The following MME variants were observed in gnomAD, a reference collection of about 807,000 sequenced individuals.
MME encodes neprilysin.
MME carries 98 observed loss-of-function variants against 113.2 expected under a neutral mutation model. That is an observed-to-expected ratio of 0.87 (90% CI 0.74 to 1.02). The LOEUF is 1.02. Among genes scored for constraint, MME ranks in the 50% least tolerant of loss-of-function variants. The pLI is 0.00. For synonymous variants in MME, 292 were observed against 300.6 expected, an observed-to-expected ratio of 0.97 and a Z score of 0.30; for missense variants, 836 against 896.0, an observed-to-expected ratio of 0.93 and a Z score of 0.86.
chr3:155,156,630 G>T (rs1486125829), intron 16 of MME, among the ~76,000 whole-genome samples: 1 of 152,110 alleles, frequency 6.6e-6, no homozygotes, highest in African/African-American at 2.4e-5. Context: ...ATGAATAAAA[G>T]TATACAGAAA....
At chr3:155,034,769 T>C (rs1713077402) in intron 1 of MME, among the ~76,000 whole-genome samples, 1 of 152,224 alleles carries the variant, frequency 6.6e-6, no homozygotes, top group African/African-American at 2.4e-5. Flanking sequence ...TAAAGAACTT[T>C]AACATTTTAC....
intron 3 of MME, among the ~76,000 whole-genome samples, chr3:155,091,241 C>T (rs897195554): frequency 6.6e-6 from 1 of 152,144 alleles, no homozygotes; most frequent in Non-Finnish European, 1.5e-5. Flanking sequence ...AGGGATATTA[C>T]CTTACATTTA....
chr3:155,053,989 T>C (rs192187490), intron 1 of MME, among the ~76,000 whole-genome samples: 7 of 152,290 alleles, frequency 4.6e-5, no homozygotes, highest in Admixed American at 3.9e-4. Context: ...AAAATGTTTA[T>C]CCTATGCGTG....
chr3:155,132,897 C>A lies in MME; in HGVS notation c.721-5205C>A, dbSNP rs188180111. ...AGTGAAACCCCGTCTCTACTAAATA[C>A]AAAAAATTAGCCGGGCATGGTGGCA... On this transcript the variant is annotated intron_variant, in intron 8 of 22. Coordinates refer to ENST00000360490, the MANE Select transcript of MME (RefSeq NM_007289.4). Among the ~76,000 whole-genome samples, 1,065 of 150,962 alleles carry A rather than the reference C, an allele frequency of 7.1e-3. 15 individuals carry two copies. Among genetic ancestry groups the A allele is most frequent in the African/African-American group, 0.025 (1,023 of 41,096 alleles).
At position 155,141,407 on chromosome 3, in the gene MME, G is replaced by A. The variant is rs530867910; in HGVS notation, c.958-584G>A. Among the ~76,000 whole-genome samples, 193 of 152,220 alleles carry A rather than the reference G, an allele frequency of 1.3e-3. 2 individuals are homozygous for A. Among genetic ancestry groups the A allele is most frequent in the African/African-American group, 4.2e-3 (173 of 41,578 alleles). On this transcript the variant is annotated intron_variant, in intron 10 of 22. Coordinates refer to ENST00000360490, the MANE Select transcript of MME (RefSeq NM_007289.4). ...AACATTATCAATTCCCATTTAGAAA[G>A]ACAAGATTTCATCTTTTGGCAACTC...
chr3:155,168,834 T>G, intron 20 of MME, 37 bp downstream of exon 20: 1 of 1,534,700 alleles, frequency 6.5e-7, no homozygotes, highest in Non-Finnish European at 9.0e-7. Flanking sequence ...TTTAGTGATT[T>G]AGAGTGTTTC....
chr3:155,148,707 T>C (rs1576645361), intron 16 of MME, 54 bp downstream of exon 16: 2 of 1,329,674 alleles, frequency 1.5e-6, no homozygotes, highest in East Asian at 2.3e-5. Flanking sequence ...CTTTCCCTCC[T>C]TTCTTTGTTG....
chr3:155,072,130 C>T (rs1017073239), intron 1 of MME, among the ~76,000 whole-genome samples: 2 of 139,620 alleles, frequency 1.4e-5, no homozygotes, highest in African/African-American at 5.3e-5. Flanking sequence ...CACTGCAGTC[C>T]GCAGTCCGGC....
rs576443367 is a variant in MME at position 155,067,300 on chromosome 3, C to CTTT, written c.-10-16834_-10-16832dup. On this transcript the variant is annotated intron_variant, in intron 1 of 22. Coordinates refer to the MME transcript ENST00000492661. Reference sequence around the variant, plus strand: ...GATTTAGCTTTTGCAATTTATTTTCCTTTTTTTTTTTTTTTTTTTTTTTTT... The same window carrying CTTT: ...GATTTAGCTTTTGCAATTTATTTTCCTTTTTTTTTTTTTTTTTTTTTTTTTTTT... Among the ~76,000 whole-genome samples the CTTT allele has an allele frequency of 1.5e-3, 135 of 92,072 alleles. 18 individuals carry two copies. The highest frequency in any genetic ancestry group is 2.5e-3 in the Non-Finnish European group (112 of 45,278). The allele number at this position is 92,072 out of a possible 152,430, so 60.4% of individuals were successfully genotyped here.
intron 1 of MME, chr3:155,081,305 GT>G (rs1423555926): frequency 5.3e-5 from 8 of 152,196 alleles, no homozygotes; most frequent in African/African-American, 1.7e-4. Flanking sequence ...AGTTATCCAG[GT>G]TTCCTGCTTT....
chr3:155,168,709 T>G (rs370595906), intron 19 of MME, 23 bp from the exon 20 acceptor site: 2 of 1,611,912 alleles, frequency 1.2e-6, no homozygotes, highest in African/African-American at 2.7e-5. Flanking sequence ...TTAACAATCC[T>G]AATAAAGTGT....
At position 155,084,279 on chromosome 3, in the gene MME, C is replaced by G. The variant is rs142671126; in HGVS notation, c.112C>G (p.Leu38Val). ...EISLSVLVLL[L>V]TIIAVTMIAL... ...CAGCCTCTCGGTCCTTGTCCTGCTCCTCACCATCATAGCTGTGACAATGAT... is the reference window on the plus strand; with the variant it reads ...CAGCCTCTCGGTCCTTGTCCTGCTCGTCACCATCATAGCTGTGACAATGAT... The change falls in exon 2 of 23, where the codon CTC becomes GTC. Residue 38 changes from leucine (L) to valine (V), a missense_variant. Coordinates refer to ENST00000360490, the MANE Select transcript of MME (RefSeq NM_007289.4). 13 of 1,614,054 alleles carry G rather than the reference C, an allele frequency of 8.1e-6. No homozygotes were observed. Among genetic ancestry groups the G allele is most frequent in the African/African-American group, 1.3e-5 (1 of 74,922 alleles).
intron 22 of MME, among the ~76,000 whole-genome samples, chr3:155,173,018 A>G (rs1293607880): frequency 6.6e-6 from 1 of 152,122 alleles, no homozygotes; most frequent in Non-Finnish European, 1.5e-5. Flanking sequence ...TACTAATTAG[A>G]GGTTCTTCAA....
intron 3 of MME, among the ~76,000 whole-genome samples, chr3:155,101,506 A>AT (rs1455430836): frequency 1.3e-5 from 2 of 151,956 alleles, no homozygotes; most frequent in Non-Finnish European, 2.9e-5. Flanking sequence ...TCTGCCTCTG[A>AT]CCCCAGCTCT....
intron 10 of MME, among the ~76,000 whole-genome samples, 187 bp from the exon 11 acceptor site, chr3:155,141,804 T>A (rs1721110932): frequency 6.6e-6 from 1 of 152,182 alleles, no homozygotes; most frequent in African/African-American, 2.4e-5. Flanking sequence ...TCTTAAATGG[T>A]TGGCTTAATT....
At chr3:155,096,956 A>C (rs1716793324) in intron 3 of MME, among the ~76,000 whole-genome samples, 1 of 152,186 alleles carries the variant, frequency 6.6e-6, no homozygotes, top group Non-Finnish European at 1.5e-5. Context: ...GATTTGAGAA[A>C]TATTTACTGG....
chr3:155,167,941 G>A (rs1021058911), intron 18 of MME, among the ~76,000 whole-genome samples: 2 of 152,168 alleles, frequency 1.3e-5, no homozygotes, highest in African/African-American at 4.8e-5. Context: ...GAAAAAGATG[G>A]TAATATTGTG....
At chr3:155,027,593 T>C (rs1237995451) in intron 1 of MME, among the ~76,000 whole-genome samples, 2 of 152,248 alleles carry the variant, frequency 1.3e-5, no homozygotes, top group African/African-American at 4.8e-5. Context: ...AAAACCTCTA[T>C]TCAATCTTAA....
intron 1 of MME, among the ~76,000 whole-genome samples, chr3:155,043,700 T>A (rs1156395814): frequency 2.0e-5 from 3 of 152,172 alleles, no homozygotes; most frequent in African/African-American, 7.2e-5. Context: ...AATAGTTGTA[T>A]CTATTACTGG....
Sources: allele counts gnomAD v4.1 joint callset (sites outside exome capture counted in the v4.1 genomes callset), GRCh38; gene constraint gnomAD v4.1.1; transcripts MANE v1.5; gene names NCBI Gene and HGNC (gene_info 2026-07-23, HGNC 2026-07-21).